ZNF277: variants seen among roughly 807,000 people sequenced by gnomAD.
ZNF277 encodes the protein nuclear receptor-interacting factor 4.
In ZNF277, 55 loss-of-function variants were observed where a neutral mutation model predicts 60.7. The observed-to-expected ratio is 0.91, with a 90% CI of 0.73 to 1.13. ZNF277 has a LOEUF of 1.13. ZNF277 is among the 50% of genes most tolerant of loss of function. ZNF277 has a pLI of 0.00. For synonymous variants in ZNF277, 178 were observed against 179.3 expected, an observed-to-expected ratio of 0.99 and a Z score of 0.06; for missense variants, 510 against 523.0, an observed-to-expected ratio of 0.98 and a Z score of 0.24.
chr7:112,330,372 T>C, intron 7 of ZNF277, 156 bp downstream of exon 7: 1 of 675,610 alleles, frequency 1.5e-6, no homozygotes, highest in Non-Finnish European at 2.5e-6. Flanking sequence ...ATGGTTAGAG[T>C]ACAAGACATT....
chr7:112,208,752 CTCACTGCAAGCTCCGCCTCCCAGGT>C (rs1262526389), intron 1 of ZNF277, among the ~76,000 whole-genome samples: 1 of 130,686 alleles, frequency 7.7e-6, no homozygotes, highest in Non-Finnish European at 1.5e-5. Flanking sequence ...GCGATCTCGG[CTCACTGCAAGCTCCGCCTCCCAGGT>C]TCACGCCATT....
chr7:112,327,483 T>C (rs1274051558), intron 5 of ZNF277, among the ~76,000 whole-genome samples: 2 of 152,050 alleles, frequency 1.3e-5, no homozygotes, highest in Non-Finnish European at 2.9e-5. Context: ...TTCTATAGAG[T>C]GTAGCCAAGC....
In ZNF277 at chr7:112,342,655, C is replaced by A; in HGVS notation, c.1279C>A (p.Pro427Thr). Residue 427 changes from proline (P) to threonine (T), a missense_variant, in exon 12 of 12, where the codon CCC becomes ACC. By Grantham distance (38) the Pro-to-Thr change is conservative. Transcript: ENST00000361822. Reference protein sequence around the residue: ...LTAQEQNENVPIISEDTSKLY... With the variant: ...LTAQEQNENVTIISEDTSKLY... ...AGCTCAGGAACAAAATGAAAATGTTCCCATCATCAGTGAAGATACATCTAA... is the reference window on the plus strand; with the variant it reads ...AGCTCAGGAACAAAATGAAAATGTTACCATCATCAGTGAAGATACATCTAA... 2 of 1,612,576 alleles carry A rather than the reference C, an allele frequency of 1.2e-6. No homozygotes were observed. Among genetic ancestry groups the A allele is most frequent in the South Asian group, 2.2e-5 (2 of 91,020 alleles).
chr7:112,220,071 G>T (rs1405663894), intron 1 of ZNF277, among the ~76,000 whole-genome samples: 2 of 152,154 alleles, frequency 1.3e-5, no homozygotes, highest in Non-Finnish European at 2.9e-5. Context: ...TTTTAGGATT[G>T]TTTATTCTGT....
intron 1 of ZNF277, among the ~76,000 whole-genome samples, chr7:112,281,546 A>G (rs1791945077): frequency 6.6e-6 from 1 of 152,162 alleles, no homozygotes. Context: ...ATTCAATGTA[A>G]TTTTTACATC....
intron 1 of ZNF277, among the ~76,000 whole-genome samples, chr7:112,253,312 G>A (rs1324850117): frequency 6.6e-6 from 1 of 152,164 alleles, no homozygotes; most frequent in Non-Finnish European, 1.5e-5. Flanking sequence ...CTTCCATGGA[G>A]ATGGCATTTT....
At chr7:112,296,019 T>G in intron 3 of ZNF277, 62 bp downstream of exon 3, 1 of 1,247,016 alleles carries the variant, frequency 8.0e-7, no homozygotes, top group Non-Finnish European at 1.2e-6. Context: ...GGAATAATCT[T>G]ACTGTCTTAT....
At chr7:112,292,431 G>A (rs1027909798) in intron 2 of ZNF277, among the ~76,000 whole-genome samples, 8 of 152,094 alleles carry the variant, frequency 5.3e-5, no homozygotes, top group African/African-American at 1.9e-4. Context: ...TTTCGGAAGG[G>A]GAAAACATTC....
chr7:112,312,341 G>A lies in ZNF277; in HGVS notation c.466-5841G>A, dbSNP rs180824234. On this transcript the variant is annotated intron_variant, in intron 4 of 11. Coordinates refer to ENST00000361822, the MANE Select transcript of ZNF277 (RefSeq NM_021994.3). ...ATGTGTGAACCTAGGGTGGTCTTGA[G>A]TAGAGGTTAGGGAGGAACATTAAAA... is the stretch of plus-strand genomic sequence containing the variant. Among the ~76,000 whole-genome samples the A allele has an allele frequency of 1.7e-4, 26 of 152,214 alleles. No homozygotes were observed. The East Asian group carries it at 4.6e-3, about 27-fold the overall frequency.
intron 1 of ZNF277, among the ~76,000 whole-genome samples, chr7:112,216,589 C>T (rs1338000888): frequency 6.6e-6 from 1 of 152,120 alleles, no homozygotes; most frequent in Non-Finnish European, 1.5e-5. Flanking sequence ...GATTTTAATC[C>T]CACTTCTCCT....
At chr7:112,308,534 A>G (rs1417106777) in intron 4 of ZNF277, among the ~76,000 whole-genome samples, 1 of 152,032 alleles carries the variant, frequency 6.6e-6, no homozygotes, top group African/African-American at 2.4e-5. Flanking sequence ...AATTGAAAAA[A>G]TTATGATCAT....
At chr7:112,239,842 A>G (rs1708292458) in intron 1 of ZNF277, among the ~76,000 whole-genome samples, 2 of 152,228 alleles carry the variant, frequency 1.3e-5, no homozygotes, top group Non-Finnish European at 2.9e-5. Context: ...TAGAGGGACT[A>G]AAAGATGAAC....
At chr7:112,323,344 T>C (rs559143758) in intron 5 of ZNF277, among the ~76,000 whole-genome samples, 2 of 152,374 alleles carry the variant, frequency 1.3e-5, no homozygotes, top group South Asian at 2.1e-4. Flanking sequence ...GCAGCTGTGA[T>C]GTTACAAAAT....
At chr7:112,218,373 G>T (rs956742098) in intron 1 of ZNF277, among the ~76,000 whole-genome samples, 1 of 152,158 alleles carries the variant, frequency 6.6e-6, no homozygotes, top group African/African-American at 2.4e-5. Context: ...ACAACTAAAA[G>T]TATGTATTAT....
chr7:112,296,892 A>AT (rs1381415397), intron 4 of ZNF277, among the ~76,000 whole-genome samples: 1 of 28,128 alleles, frequency 3.6e-5, no homozygotes, highest in Non-Finnish European at 6.2e-5. Flanking sequence ...TTTTTATTTT[A>AT]TTTATTTATT....
At position 112,330,614 on chromosome 7, in the gene ZNF277, G is replaced by T. The variant is rs192244018; in HGVS notation, c.801+398G>T. 1.6e-3 allele frequency: 291 copies of T among 176,586 alleles called. 1 individual carries two copies. The highest frequency in any genetic ancestry group is 6.9e-3 in the African/African-American group (275 of 39,682). 10.9% of individuals were successfully genotyped at this position (176,586 alleles called of 1,614,324 possible). ...GAGTTTTGCTGTGTCGCCCAGGCTG[G>T]AGTGCAGTGGCACGATCTCGGCTCA... On this transcript the variant is annotated intron_variant, in intron 7 of 11. Transcript: ENST00000361822.
intron 5 of ZNF277, among the ~76,000 whole-genome samples, chr7:112,324,415 T>A (rs891085323): frequency 6.6e-5 from 10 of 152,198 alleles, no homozygotes; most frequent in Non-Finnish European, 8.8e-5. Context: ...ATGCATTTAA[T>A]TTCCCATAAA....
At chr7:112,299,675 C>G (rs900382952) in intron 4 of ZNF277, among the ~76,000 whole-genome samples, 1 of 152,084 alleles carries the variant, frequency 6.6e-6, no homozygotes. Flanking sequence ...GTAATTTAAA[C>G]CAATCAAACT....
At chr7:112,234,662 C>A (rs910919332) in intron 1 of ZNF277, among the ~76,000 whole-genome samples, 4 of 152,104 alleles carry the variant, frequency 2.6e-5, no homozygotes, top group African/African-American at 9.7e-5. Flanking sequence ...CTTGAGAATG[C>A]AGCATATTAC....
Sources: gnomAD v4.1 joint callset for allele counts (sites outside exome capture counted in the v4.1 genomes callset) on GRCh38, gnomAD v4.1.1 for gene constraint, MANE v1.5 for transcripts, NCBI Gene and HGNC (gene_info 2026-07-23, HGNC 2026-07-21) for gene names.